The following PPFIA4 variants were observed in gnomAD, a reference collection of about 807,000 sequenced individuals.
PPFIA4 encodes the protein PPFI scaffold protein A4.
Under a neutral mutation model 145.7 loss-of-function variants are expected in PPFIA4, and 98 were observed. The ratio of observed to expected loss-of-function variants is 0.67; its 90% CI spans 0.57 to 0.80. PPFIA4 has a LOEUF of 0.80. Ranked by LOEUF, PPFIA4 falls within the 30% of genes least tolerant of loss-of-function variation. The pLI is 0.00. For missense variants in PPFIA4, 1,457 were observed against 1,632.7 expected, an observed-to-expected ratio of 0.89 and a Z score of 1.85; for synonymous variants, 628 against 649.6, an observed-to-expected ratio of 0.97 and a Z score of 0.51.
rs1191642243 is a variant in PPFIA4, at chr1:203,038,880, CCCTGCCCA to C, written c.-124_-117del. The C allele has an allele frequency of 4.0e-5, 24 of 607,144 alleles. No individual in the cohort carries two copies. Among genetic ancestry groups the C allele is most frequent in the Non-Finnish European group, 6.2e-5 (21 of 340,526 alleles). 37.6% of individuals were successfully genotyped at this position (607,144 alleles called of 1,614,324 possible). On this transcript the variant is annotated 5_prime_UTR_variant, in exon 2 of 30. It removes the in-frame stop codon of an upstream open reading frame in the 5' UTR. Coordinates refer to ENST00000295706, the MANE Select transcript of PPFIA4 (RefSeq NM_001304331.2). Reference sequence around the variant, plus strand: ...AAGCAACTGATGCTATGGGAGAAGCCCCTGCCCACCTGTCCACTCGCCTGGCACTGCCC... The same window carrying C: ...AAGCAACTGATGCTATGGGAGAAGCCCCTGTCCACTCGCCTGGCACTGCCC...
chr1:203,066,979 G>A (rs902338093), intron 25 of PPFIA4, among the ~76,000 whole-genome samples: 29 of 152,220 alleles, frequency 1.9e-4, no homozygotes, highest in Admixed American at 8.5e-4. Flanking sequence ...GGGATTGGGA[G>A]TATGGGCTAG....
intron 17 of PPFIA4, 63 bp downstream of exon 17, chr1:203,056,218 G>T: frequency 6.2e-7 from 1 of 1,610,830 alleles, no homozygotes; most frequent in Non-Finnish European, 8.5e-7. Context: ...TTTCCTTTCA[G>T]CTTCCTCCCC....
chr1:203,058,514 C>T (rs148999334), intron 19 of PPFIA4, among the ~76,000 whole-genome samples: 141 of 152,284 alleles, frequency 9.3e-4, no homozygotes, highest in African/African-American at 3.3e-3. Flanking sequence ...TCTCCACACA[C>T]GTTGGCACCT....
In PPFIA4 at chr1:203,076,813, G is replaced by C; in HGVS notation, c.*423G>C. ...GGTCATTTCAGACGCAGCCCTGCTTGGGCTATTCAATCTTAGGGTGTCTAT... is the reference window on the plus strand; with the variant it reads ...GGTCATTTCAGACGCAGCCCTGCTTCGGCTATTCAATCTTAGGGTGTCTAT... On this transcript the variant is annotated 3_prime_UTR_variant, in exon 30 of 30. Coordinates refer to ENST00000295706, the MANE Select transcript of PPFIA4 (RefSeq NM_001304331.2). 1 of 218,908 alleles carries C rather than the reference G, an allele frequency of 4.6e-6. No homozygotes were observed. Among genetic ancestry groups the C allele is most frequent in the South Asian group, 7.6e-5 (1 of 13,162 alleles). The allele number at this position is 218,908 out of a possible 1,614,324, so 13.6% of individuals were successfully genotyped here.
chr1:203,056,264 C>G, intron 17 of PPFIA4, 109 bp downstream of exon 17: 1 of 1,597,084 alleles, frequency 6.3e-7, no homozygotes, highest in Non-Finnish European at 8.6e-7. Context: ...CTCAGAGAGG[C>G]ACCCAGGGCC....
chr1:203,049,559 C>A, intron 12 of PPFIA4, 117 bp from the exon 13 acceptor site: 1 of 911,678 alleles, frequency 1.1e-6, no homozygotes, highest in Non-Finnish European at 1.6e-6. Context: ...CTTTGCAGTA[C>A]ATTCTTCAGC....
chr1:203,027,400 A>C (rs1467609297), intron 1 of PPFIA4, among the ~76,000 whole-genome samples: 1 of 152,156 alleles, frequency 6.6e-6, no homozygotes, highest in East Asian at 1.9e-4. Context: ...GACATGGTGT[A>C]GGTGGTTTTC....
chr1:203,043,260 T>C lies in PPFIA4; in HGVS notation c.235-137T>C. On this transcript the variant is annotated intron_variant, in intron 2 of 29. Coordinates refer to ENST00000295706, the MANE Select transcript of PPFIA4 (RefSeq NM_001304331.2). The surrounding 1 kb of genome is among the most constrained non-coding windows in gnomAD (Gnocchi z 4.4). ...TAGCTACAGGTTTACTGACCTGCAG[T>C]GTGGATGGATTGGGATTTTGTGGGG... is the stretch of plus-strand genomic sequence containing the variant. 2.8e-6 allele frequency: 2 copies of C among 714,706 alleles called. No homozygotes were observed. Among genetic ancestry groups the C allele is most frequent in the Admixed American group, 2.2e-5 (1 of 44,482 alleles). 44.3% of individuals were successfully genotyped at this position (714,706 alleles called of 1,614,324 possible). A position where few individuals can be genotyped will look rare whatever the true frequency, so the allele number is the denominator to read the frequency against.
At chr1:203,039,296 C>A in intron 2 of PPFIA4, 54 bp downstream of exon 2, 1 of 1,339,282 alleles carries the variant, frequency 7.5e-7, no homozygotes, top group Non-Finnish European at 1.0e-6. Context: ...TCTAGCCCTG[C>A]TAGATCCACT....
In PPFIA4 at chr1:203,055,905, C is replaced by T. The variant is rs1423399024; in HGVS notation, c.2071-215C>T. On this transcript the variant is annotated intron_variant, in intron 16 of 29. Transcript: ENST00000295706. The surrounding 1 kb of genome is among the most constrained non-coding windows in gnomAD (Gnocchi z 4.8). ...AGCCCAGACTGCTTAAGAAACTCACCCACTGCCCTCACCTCTTCCTTTCTT... is the reference window on the plus strand; with the variant it reads ...AGCCCAGACTGCTTAAGAAACTCACTCACTGCCCTCACCTCTTCCTTTCTT... Among the ~76,000 whole-genome samples, 1 of 152,158 alleles carries T rather than the reference C, an allele frequency of 6.6e-6. No individual in the cohort carries two copies. The highest frequency in any genetic ancestry group is 6.5e-5 in the Admixed American group (1 of 15,294).
At position 203,043,454 on chromosome 1, in the gene PPFIA4, G is replaced by C. The variant is rs753000917; in HGVS notation, c.292G>C (p.Glu98Gln). Residue 98 changes from glutamate to glutamine, a missense_variant, in exon 3 of 30, where the codon GAG becomes CAG. Physicochemically the swap from Glu to Gln is conservative, Grantham distance 29. This residue lies in a region of PPFIA4 where 463 missense variants were observed against 459.8 expected (regional missense o/e 1.01). Coordinates refer to ENST00000295706, the MANE Select transcript of PPFIA4 (RefSeq NM_001304331.2). The surrounding 1 kb of genome is among the most constrained non-coding windows in gnomAD (Gnocchi z 4.4). ...SMCREQLLER[E>Q]EEISELKAER... ...GTGTCGGGAGCAGCTTCTAGAGCGG[G>C]AGGAAGAGATATCAGAACTGAAAGC... The C allele has an allele frequency of 2.0e-5, 33 of 1,611,600 alleles. No individual in the cohort carries two copies. The highest frequency in any genetic ancestry group is 2.7e-5 in the Non-Finnish European group (32 of 1,179,414).
At chr1:203,059,062 G>C in intron 19 of PPFIA4, 116 bp from the exon 20 acceptor site, 1 of 758,550 alleles carries the variant, frequency 1.3e-6, no homozygotes, top group South Asian at 1.7e-5. Context: ...GGTCCCGTCA[G>C]GCCATGGGTT....
At chr1:203,071,795 A>G in intron 28 of PPFIA4, 35 bp downstream of exon 28, 1 of 1,546,542 alleles carries the variant, frequency 6.5e-7, no homozygotes, top group Non-Finnish European at 8.9e-7. Context: ...AGCCTTGGGG[A>G]TTTGGTCATC....
At chr1:203,070,684 C>T (rs980109790) in intron 27 of PPFIA4, among the ~76,000 whole-genome samples, 3 of 151,818 alleles carry the variant, frequency 2.0e-5, no homozygotes, top group Non-Finnish European at 4.4e-5. Context: ...AGTTAATCTC[C>T]TGGGAGGCCT....
intron 1 of PPFIA4, among the ~76,000 whole-genome samples, chr1:203,036,923 CAG>C (rs1200158635): frequency 6.6e-6 from 1 of 152,234 alleles, no homozygotes; most frequent in Non-Finnish European, 1.5e-5. Flanking sequence ...TCCCCTTGAC[CAG>C]AGTTTGTGTC....
At chr1:203,067,671 G>A (rs1449727303) in intron 25 of PPFIA4, 24 bp from the exon 26 acceptor site, 1 of 1,608,988 alleles carries the variant, frequency 6.2e-7, no homozygotes, top group South Asian at 1.1e-5. Flanking sequence ...CTGAGGCTCT[G>A]GCTTGGGGGC....
Position 203,059,233 on chromosome 1 carries a change from G to C in PPFIA4, c.2463G>C (p.Leu821=). ...AGGAGCCTATGGTGCCTGCCAAGCT[G>C]GGGACCCAGGCAGAGAAGGACCGGC... ...SMQEPMVPAK[L]GTQAEKDRRL... The change falls in exon 20 of 30, where the codon CTG becomes CTC. Residue 821 remains leucine (L), a synonymous_variant. Coordinates refer to ENST00000295706, the MANE Select transcript of PPFIA4 (RefSeq NM_001304331.2). 1.3e-6 allele frequency: 2 copies of C among 1,556,840 alleles called. No individual in the cohort carries two copies. Among genetic ancestry groups the C allele is most frequent in the Non-Finnish European group, 1.7e-6 (2 of 1,143,106 alleles).
rs560057123 is a variant in PPFIA4, at chr1:203,031,689, G to A, written c.-400+5060G>A. Among the ~76,000 whole-genome samples, 21 of 152,254 alleles carry A rather than the reference G, an allele frequency of 1.4e-4. 1 individual carries two copies. In the South Asian group the frequency reaches 4.1e-3, roughly 30 times the overall value. ...CATTTTTTTACCACCAGAGGACCCT[G>A]TTTAATATTTGTCCCACATGGATCC... On this transcript the variant is annotated intron_variant, in intron 1 of 29. Transcript: ENST00000295706.
chr1:203,038,743 G>T lies in PPFIA4; in HGVS notation c.-266G>T. On this transcript the variant is annotated 5_prime_UTR_variant, in exon 2 of 30. Coordinates refer to ENST00000295706, the MANE Select transcript of PPFIA4 (RefSeq NM_001304331.2). ...CCTGTCATGGCCACATTCGGCTGCTGTCTGCATGTCTGGGGACACAGGGCA... is the reference window on the plus strand; with the variant it reads ...CCTGTCATGGCCACATTCGGCTGCTTTCTGCATGTCTGGGGACACAGGGCA... 1 of 307,834 alleles carries T rather than the reference G, an allele frequency of 3.2e-6. No individual in the cohort carries two copies. 19.1% of individuals were successfully genotyped at this position (307,834 alleles called of 1,614,324 possible). A position where few individuals can be genotyped will look rare whatever the true frequency, so the allele number is the denominator to read the frequency against.
Sources: gnomAD v4.1 joint callset for allele counts (sites outside exome capture counted in the v4.1 genomes callset) on GRCh38, gnomAD v4.1.1 for gene constraint, gnomAD v4.1.1 regional missense constraint, Gnocchi (gnomAD v3.1) non-coding constraint, MANE v1.5 for transcripts, NCBI Gene and HGNC (gene_info 2026-07-23, HGNC 2026-07-21) for gene names.